INO80: variants seen among roughly 807,000 people sequenced by gnomAD.
INO80 encodes INO80 complex ATPase subunit, also known as chromatin-remodeling ATPase INO80.
A neutral mutation model predicts 203.4 loss-of-function variants in INO80; 20 were observed. That is an observed-to-expected ratio of 0.10 (90% confidence interval 0.07 to 0.14). The LOEUF is 0.14. Ranked by LOEUF, INO80 falls within the 10% of genes least tolerant of loss-of-function variation. The pLI is 1.00. For missense variants in INO80, 1,419 were observed against 1,914.4 expected (o/e 0.74, Z 4.83); for synonymous variants, 726 against 685.2 (o/e 1.06, Z -0.93).
intron 14 of INO80, 104 bp downstream of exon 14, chr15:41,069,466 G>A (rs960118709): frequency 8.6e-5 from 55 of 637,366 alleles, no homozygotes; most frequent in African/African-American, 2.1e-4. Flanking sequence ...CCCCAAGTCC[G>A]GCCAAAATTT....
At chr15:41,049,842 C>A (rs540434648) in intron 20 of INO80, 93 bp downstream of exon 20, 5 of 1,161,638 alleles carry the variant, frequency 4.3e-6, no homozygotes, top group African/African-American at 3.1e-5. Flanking sequence ...GCCGAAATCA[C>A]GCCATTGCAC....
intron 23 of INO80, 58 bp from the exon 24 acceptor site, chr15:41,045,133 T>C: frequency 7.3e-7 from 1 of 1,362,992 alleles, no homozygotes; most frequent in East Asian, 2.4e-5. Flanking sequence ...TTGAGGGTCG[T>C]TCATAGCAGC....
chr15:41,005,549 A>C (rs745923362), intron 28 of INO80, 44 bp downstream of exon 28: 11 of 1,023,108 alleles, frequency 1.1e-5, no homozygotes, highest in Non-Finnish European at 6.0e-6. Context: ...CAAGCACTAG[A>C]GGGAAATTAA....
At chr15:41,016,065 G>T in intron 27 of INO80, 23 bp downstream of exon 27, 1 of 1,600,560 alleles carries the variant, frequency 6.2e-7, no homozygotes, top group Non-Finnish European at 8.5e-7. Context: ...GGTATCCTAG[G>T]TCCCCAAGAT....
intron 29 of INO80, among the ~76,000 whole-genome samples, chr15:40,988,741 T>C (rs2043775451): frequency 6.6e-6 from 1 of 151,620 alleles, no homozygotes; most frequent in South Asian, 2.1e-4. Flanking sequence ...CTAACCAGGC[T>C]TGGTGGCTCA....
At chr15:40,988,231 G>A (rs2043767640) in intron 29 of INO80, among the ~76,000 whole-genome samples, 2 of 152,050 alleles carry the variant, frequency 1.3e-5, no homozygotes, top group African/African-American at 2.4e-5. Context: ...TAGTTAAAAC[G>A]TAGTGTTTAG....
intron 24 of INO80, among the ~76,000 whole-genome samples, chr15:41,036,168 A>C (rs955242364): frequency 2.1e-5 from 3 of 141,368 alleles, no homozygotes; most frequent in African/African-American, 9.0e-5. Context: ...AAAAAAAAAA[A>C]AAAAAAAAAA....
chr15:41,101,253 A>T (rs1220791549), intron 1 of INO80, among the ~76,000 whole-genome samples: 1 of 152,146 alleles, frequency 6.6e-6, no homozygotes, highest in Non-Finnish European at 1.5e-5. Context: ...CTTATTCCCT[A>T]CAAGGAAACT....
At position 41,070,998 on chromosome 15, in the gene INO80, G is replaced by A. The variant is rs139390521; in HGVS notation, c.1606-451C>T. On this transcript the variant is annotated intron_variant, in intron 12 of 35. Coordinates refer to ENST00000648947, the MANE Select transcript of INO80 (RefSeq NM_017553.3). ...AGTCTGGGCAACATGGAGACAGCCC[G>A]TTTCTACAAAAAATACAAAAATTAG... Among the ~76,000 whole-genome samples the A allele has an allele frequency of 1.2e-3, 176 of 152,174 alleles. 1 individual carries two copies. Among genetic ancestry groups the A allele is most frequent in the African/African-American group, 4.0e-3 (166 of 41,520 alleles).
At chr15:41,086,437 G>A (rs1188306951) in intron 6 of INO80, among the ~76,000 whole-genome samples, 2 of 152,104 alleles carry the variant, frequency 1.3e-5, no homozygotes, top group Non-Finnish European at 2.9e-5. Flanking sequence ...GATCACCTGA[G>A]GTCAGGAGTT....
At chr15:41,013,740 G>T (rs2044164280) in intron 27 of INO80, among the ~76,000 whole-genome samples, 1 of 152,172 alleles carries the variant, frequency 6.6e-6, no homozygotes, top group South Asian at 2.1e-4. Flanking sequence ...AACCAGAGAA[G>T]AATTTCATTT....
At chr15:41,049,458 T>A (rs377420303) in intron 20 of INO80, 38 bp from the exon 21 acceptor site, 122 of 1,602,592 alleles carry the variant, frequency 7.6e-5, no homozygotes, top group Non-Finnish European at 1.0e-4. Context: ...TATTACCACA[T>A]GCAGACATCA....
chr15:41,052,650 G>A (rs560047006), intron 19 of INO80, among the ~76,000 whole-genome samples: 2 of 145,698 alleles, frequency 1.4e-5, no homozygotes, highest in Non-Finnish European at 3.0e-5. Context: ...TCCACCATGG[G>A]TGACAGAGCG....
chr15:41,056,107 C>T (rs752300352), intron 17 of INO80, among the ~76,000 whole-genome samples: 1 of 151,902 alleles, frequency 6.6e-6, no homozygotes, highest in Non-Finnish European at 1.5e-5. Flanking sequence ...CTATGCCTGG[C>T]TAATTTTTTG....
chr15:41,029,206 T>C lies in INO80; in HGVS notation c.2908-1470A>G, dbSNP rs145898847. 4.6e-5 allele frequency among the ~76,000 whole-genome samples: 7 copies of C among 152,326 alleles called. No homozygotes were observed. In the East Asian group the frequency reaches 1.2e-3, roughly 25 times the overall value. On this transcript the variant is annotated intron_variant, in intron 24 of 35. Transcript: ENST00000648947. ...ACCTGGATCCTCTGTAAGAGAATAA[T>C]AGTTATAATACCAGTACCAAATCAC...
At chr15:41,055,613 C>A (rs138588315) in intron 17 of INO80, among the ~76,000 whole-genome samples, 1 of 152,284 alleles carries the variant, frequency 6.6e-6, no homozygotes, top group East Asian at 1.9e-4. Context: ...AGTTTCAAAG[C>A]GCAAGTCATG....
chr15:40,985,599 T>G (rs536203936), intron 31 of INO80, among the ~76,000 whole-genome samples, 173 bp from the exon 32 acceptor site: 1 of 152,256 alleles, frequency 6.6e-6, no homozygotes, highest in South Asian at 2.1e-4. Context: ...TGGGTTTAAA[T>G]CACACTCTTA....
intron 29 of INO80, among the ~76,000 whole-genome samples, chr15:40,991,531 C>T (rs2043816681): frequency 1.3e-5 from 2 of 151,958 alleles, no homozygotes; most frequent in Admixed American, 1.3e-4. Flanking sequence ...AAACAAGTAA[C>T]AATTAAAGGA....
intron 29 of INO80, among the ~76,000 whole-genome samples, chr15:40,992,880 C>G (rs1195877732): frequency 1.3e-5 from 2 of 152,166 alleles, no homozygotes; most frequent in African/African-American, 2.4e-5. Flanking sequence ...GCAGTCTTGA[C>G]CTTCTGGGCC....
Sources: allele counts gnomAD v4.1 joint callset (sites outside exome capture counted in the v4.1 genomes callset), GRCh38; gene constraint gnomAD v4.1.1; transcripts MANE v1.5; gene names NCBI Gene and HGNC (gene_info 2026-07-23, HGNC 2026-07-21).